SPDYE1: variants seen among roughly 807,000 people sequenced by gnomAD.
SPDYE1 encodes speedy protein E1.
Under a neutral mutation model 45.9 loss-of-function variants are expected in SPDYE1, and 29 were observed. The observed-to-expected ratio is 0.63, with a 90% CI of 0.47 to 0.86. SPDYE1 has a LOEUF of 0.86. Ranked by LOEUF, SPDYE1 falls within the 40% of genes least tolerant of loss-of-function variation. The probability of loss-of-function intolerance (pLI) is 0.00; values close to 1 mark genes in which losing one functional copy is unlikely to be tolerated. For synonymous variants in SPDYE1, 134 were observed against 176.8 expected (o/e 0.76, Z 1.92); for missense variants, 346 against 481.4 (o/e 0.72, Z 2.63).
chr7:44,005,570 C>G (rs1327204989), intron 6 of SPDYE1, among the ~76,000 whole-genome samples: 1 of 151,340 alleles, frequency 6.6e-6, no homozygotes, highest in South Asian at 2.1e-4. Flanking sequence ...CCCAGCTACT[C>G]GGGAGGCTGA....
Position 43,998,316 on chromosome 7 carries a change from G to T in SPDYE1, c.-423+357G>T, listed in dbSNP as rs528393621. ...AAAACGTGTGGGAACTCACTCGCAG[G>T]TTCTTTATTTTTTTTGAGATGGAGT... On this transcript the variant is annotated intron_variant, in intron 1 of 8. Coordinates refer to ENST00000693451, the MANE Select transcript of SPDYE1 (RefSeq NM_001378423.2). Among the ~76,000 whole-genome samples the T allele has an allele frequency of 1.2e-3, 189 of 151,812 alleles. 2 individuals are homozygous for T. Among genetic ancestry groups the T allele is most frequent in the African/African-American group, 4.4e-3 (182 of 41,358 alleles).
At chr7:44,007,144 T>C in intron 6 of SPDYE1, 124 bp from the exon 7 acceptor site, 1 of 1,584,466 alleles carries the variant, frequency 6.3e-7, no homozygotes, top group Non-Finnish European at 8.6e-7. Flanking sequence ...GGCATGGCTC[T>C]CTGCAGGGTG....
intron 6 of SPDYE1, chr7:44,005,447 G>C: frequency 1.5e-6 from 1 of 657,808 alleles, no homozygotes; most frequent in Non-Finnish European, 2.5e-6. Context: ...GGAGGCCGAG[G>C]CAGGCGGATC....
In SPDYE1 at chr7:43,999,751, T is replaced by C. The variant is rs1212064044; in HGVS notation, c.-199T>C. ...CCTGGCAGTTACATGTGTTTTTTTT[T>C]CAAACTGGTTGCCAGGTTGGCATGA... On this transcript the variant is annotated 5_prime_UTR_variant, in exon 2 of 9. Transcript: ENST00000693451. 1.4e-5 allele frequency among the ~76,000 whole-genome samples: 2 copies of C among 146,398 alleles called. No individual in the cohort carries two copies. Among genetic ancestry groups the C allele is most frequent in the African/African-American group, 5.1e-5 (2 of 39,146 alleles).
chr7:44,007,593 G>A lies in SPDYE1; in HGVS notation c.1071+7G>A, dbSNP rs2096073469. The A allele has an allele frequency of 6.2e-7, 1 of 1,612,858 alleles. No individual in the cohort carries two copies. The highest frequency in any genetic ancestry group is 2.2e-5 in the East Asian group (1 of 44,862). On this transcript the variant is annotated splice_region_variant and intron_variant, in intron 7 of 8. Coordinates refer to ENST00000693451, the MANE Select transcript of SPDYE1 (RefSeq NM_001378423.2). ...CCCAGAGGAGTTGGAGGAGGTGAGT[G>A]GGGCCTGGGGAGGTGGAGGAGGTGG...
Position 44,005,130 on chromosome 7 carries a change from T to A in SPDYE1, c.667-12T>A. On this transcript the variant is annotated splice_polypyrimidine_tract_variant and intron_variant, in intron 5 of 8. Coordinates refer to ENST00000693451, the MANE Select transcript of SPDYE1 (RefSeq NM_001378423.2). The stretch of plus-strand genomic sequence containing the variant: ...TGACCTCTCCCTCTCTGTGTTCCTT[T>A]CTCTCCATCAGTATCTCCTTGCTAT... The A allele has an allele frequency of 6.2e-7, 1 of 1,611,734 alleles. No homozygotes were observed. The highest frequency in any genetic ancestry group is 1.1e-5 in the South Asian group (1 of 90,978).
intron 2 of SPDYE1, among the ~76,000 whole-genome samples, chr7:44,000,313 GT>G (rs1401332479): frequency 1.1e-4 from 17 of 150,740 alleles, no homozygotes; most frequent in Non-Finnish European, 2.1e-4. Context: ...CCAAGTGGTA[GT>G]GGTGCACACC....
chr7:44,000,825 C>A, intron 2 of SPDYE1: 1 of 1,073,998 alleles, frequency 9.3e-7, no homozygotes, highest in Non-Finnish European at 1.2e-6. Flanking sequence ...AAAGGAGGGA[C>A]TCAGAGAGCC....
chr7:44,005,221 T>C lies in SPDYE1; in HGVS notation c.746T>C (p.Leu249Pro). Reference protein sequence around the residue: ...SWQYQRLHFFLALYLANDMEE... With the variant: ...SWQYQRLHFFPALYLANDMEE... The stretch of plus-strand genomic sequence containing the variant: ...CAATACCAACGCCTTCATTTCTTCC[T>C]GGCTCTGTGAGTGGTTTGCTGCCTC... The change falls in exon 6 of 9, where the codon CTG (leucine) becomes CCG (proline). Residue 249 changes from leucine to proline, a missense_variant. Leu to Pro is a moderately conservative substitution (Grantham distance 98, BLOSUM62 -3). Transcript: ENST00000693451. 3 of 1,612,022 alleles carry C rather than the reference T, an allele frequency of 1.9e-6. 1 individual carries two copies. The South Asian group carries it at 3.3e-5, about 18-fold the overall frequency.
Position 43,999,688 on chromosome 7 carries a change from G to A in SPDYE1, c.-262G>A, listed in dbSNP as rs994459187. On this transcript the variant is annotated 5_prime_UTR_variant, in exon 2 of 9. Transcript: ENST00000693451. ...GTCTGAGGTTGGGACAGTGGCAGGAGATACCATTCACCCAGGATCTCCAGG... is the reference window on the plus strand; with the variant it reads ...GTCTGAGGTTGGGACAGTGGCAGGAAATACCATTCACCCAGGATCTCCAGG... Among the ~76,000 whole-genome samples the A allele has an allele frequency of 1.4e-5, 2 of 143,340 alleles. No individual in the cohort carries two copies. Among genetic ancestry groups the A allele is most frequent in the Admixed American group, 7.2e-5 (1 of 13,826 alleles). 94.0% of individuals were successfully genotyped at this position (143,340 alleles called of 152,430 possible).
rs1003753460 is a variant in SPDYE1, at chr7:44,009,616, A to ATATT, written c.*1006_*1009dup. 6.7e-6 allele frequency: 1 copy of ATATT among 148,450 alleles called. No homozygotes were observed. The highest frequency in any genetic ancestry group is 1.5e-5 in the Non-Finnish European group (1 of 67,208). The allele number at this position is 148,450 out of a possible 1,614,324, so 9.2% of individuals were successfully genotyped here. On this transcript the variant is annotated 3_prime_UTR_variant, in exon 9 of 9. Transcript: ENST00000693451. The stretch of plus-strand genomic sequence containing the variant: ...TTATTTATTTAAATATTTATTAAAT[A>ATATT]TATTTATTTATTTAAATGTTATTAT...
In SPDYE1 at chr7:44,007,467, T is replaced by C. The variant is rs78424385; in HGVS notation, c.952T>C (p.Cys318Arg). 0.36 allele frequency: 584,185 copies of C among 1,613,218 alleles called. 107,758 individuals carry two copies. Among genetic ancestry groups the C allele is most frequent in the South Asian group, 0.5 (45,090 of 91,046 alleles). Reference sequence around the variant, plus strand: ...TAAGCGTCGGTTCCAGTTACGCCGTTGCATGAACCCGAGGGCCAGGAAGAA... The same window carrying C: ...TAAGCGTCGGTTCCAGTTACGCCGTCGCATGAACCCGAGGGCCAGGAAGAA... ...VRKRRFQLRR[C>R]MNPRARKNRS... Residue 318 changes from cysteine (C) to arginine (R), a missense_variant, in exon 7 of 9, where the codon TGC (cysteine) becomes CGC (arginine). Cys to Arg is a radical substitution (Grantham distance 180). This residue lies in a region of SPDYE1 where 186 missense variants were observed against 219.1 expected (regional missense o/e 0.85). Transcript: ENST00000693451.
intron 3 of SPDYE1, among the ~76,000 whole-genome samples, chr7:44,001,770 C>T (rs1243298613): frequency 6.6e-6 from 1 of 151,990 alleles, no homozygotes; most frequent in African/African-American, 2.4e-5. Context: ...ACCAATATAG[C>T]GAAACGTCAT....
In SPDYE1 at chr7:44,007,703, T is replaced by C; in HGVS notation, c.1072-6T>C. 6.2e-7 allele frequency: 1 copy of C among 1,610,668 alleles called. No individual in the cohort carries two copies. The highest frequency in any genetic ancestry group is 1.1e-5 in the South Asian group (1 of 90,980). Reference sequence around the variant, plus strand: ...CCGTCTTCTCAAAGGGCGTTTGTTTTTCCAGATCCAGGCTTATGACCCAGA... The same window carrying C: ...CCGTCTTCTCAAAGGGCGTTTGTTTCTCCAGATCCAGGCTTATGACCCAGA... On this transcript the variant is annotated splice_region_variant and splice_polypyrimidine_tract_variant and intron_variant, in intron 7 of 8. Coordinates refer to ENST00000693451, the MANE Select transcript of SPDYE1 (RefSeq NM_001378423.2).
chr7:44,007,510 T>C lies in SPDYE1; in HGVS notation c.995T>C (p.Leu332Pro), dbSNP rs2096073275. 1.2e-6 allele frequency: 2 copies of C among 1,613,824 alleles called. No homozygotes were observed. The highest frequency in any genetic ancestry group is 1.7e-4 in the Middle Eastern group (1 of 5,860). The change falls in exon 7 of 9, where the codon CTG becomes CCG. Residue 332 changes from leucine to proline, a missense_variant. This residue lies in a region of SPDYE1 where 186 missense variants were observed against 219.1 expected (regional missense o/e 0.85). Coordinates refer to ENST00000693451, the MANE Select transcript of SPDYE1 (RefSeq NM_001378423.2). ...AGGAAGAACCGCTCTCAGATAGTCC[T>C]GTTCCAGAAACGTCGGTTCCACTTC... ...RARKNRSQIV[L>P]FQKRRFHFFC...
At position 44,006,965 on chromosome 7, in the gene SPDYE1, C is replaced by T. The variant is rs552230462; in HGVS notation, c.753-303C>T. On this transcript the variant is annotated intron_variant, in intron 6 of 8. Coordinates refer to ENST00000693451, the MANE Select transcript of SPDYE1 (RefSeq NM_001378423.2). ...AGGGTCTTGCTATGTTGCCCAGGCT[C>T]GTCTCAAACTCCTGGCCTCAAGTGA... 1.8e-4 allele frequency among the ~76,000 whole-genome samples: 27 copies of T among 152,238 alleles called. No homozygotes were observed. In the South Asian group the frequency reaches 2.5e-3, roughly 14 times the overall value.
In SPDYE1 at chr7:43,999,965, A is replaced by G. The variant is rs2128775572; in HGVS notation, c.16A>G (p.Thr6Ala). 1 of 984,584 alleles carries G rather than the reference A, an allele frequency of 1.0e-6. No individual in the cohort carries two copies. The highest frequency in any genetic ancestry group is 1.1e-4 in the East Asian group (1 of 8,772). 61.0% of individuals were successfully genotyped at this position (984,584 alleles called of 1,614,324 possible). A position where few individuals can be genotyped will look rare whatever the true frequency, so the allele number is the denominator to read the frequency against. Residue 6 changes from threonine (T) to alanine (A), a missense_variant, in exon 2 of 9, where the codon ACT (threonine) becomes GCT (alanine). This residue lies in a region of SPDYE1 where 15 missense variants were observed against 60.5 expected (regional missense o/e 0.25). Coordinates refer to ENST00000693451, the MANE Select transcript of SPDYE1 (RefSeq NM_001378423.2). ...GAAGAAGGCCATGGACAGAACGGAG[A>G]CTAGGTTCCGTAAGAGGGGACAGAT... MDRTETRFRKRGQITG... is the reference protein window; with the variant it reads MDRTEARFRKRGQITG...
intron 5 of SPDYE1, chr7:44,004,339 C>T (rs2096068297): frequency 3.5e-6 from 1 of 286,562 alleles, no homozygotes; most frequent in Non-Finnish European, 6.6e-6. Context: ...CCGACCAGCT[C>T]CCATGGTCTT....
At chr7:44,005,296 A>G in intron 6 of SPDYE1, 69 bp downstream of exon 6, 1 of 1,556,656 alleles carries the variant, frequency 6.4e-7, no homozygotes, top group Non-Finnish European at 8.9e-7. Flanking sequence ...GTGGGATTCC[A>G]GCCTTTCATT....
Sources: allele counts gnomAD v4.1 joint callset (sites outside exome capture counted in the v4.1 genomes callset), GRCh38; gene constraint gnomAD v4.1.1; regional missense constraint gnomAD v4.1.1; transcripts MANE v1.5; gene names NCBI Gene and HGNC (gene_info 2026-07-23, HGNC 2026-07-21).